Variants in RESF1 observed in about 807,000 individuals in gnomAD.
RESF1 encodes gonad expressed transcript.
A neutral mutation model predicts 134.7 loss-of-function variants in RESF1; 65 were observed. The observed-to-expected ratio is 0.48, with a 90% CI of 0.40 to 0.59. The LOEUF (loss-of-function observed/expected upper bound fraction) is 0.59, where lower values mean the gene tolerates loss of function less well. RESF1 is among the 20% of genes least tolerant of loss of function. The pLI, the probability that RESF1 is intolerant of heterozygous loss-of-function variation, is 0.00. For missense variants in RESF1, 2,274 were observed against 2,002.7 expected, an observed-to-expected ratio of 1.14 and a Z score of -2.59; for synonymous variants, 762 against 702.2, an observed-to-expected ratio of 1.09 and a Z score of -1.35.
chr12:31,973,960 C>T (rs1254809489), intron 3 of RESF1, among the ~76,000 whole-genome samples: 1 of 152,076 alleles, frequency 6.6e-6, no homozygotes, highest in African/African-American at 2.4e-5. Flanking sequence ...CAAGACTGCC[C>T]CTGACTTCGC....
Position 31,983,828 on chromosome 12 carries a change from A to G in RESF1, c.2873A>G (p.Lys958Arg). 6.2e-7 allele frequency: 1 copy of G among 1,613,210 alleles called. No individual in the cohort carries two copies. The highest frequency in any genetic ancestry group is 8.5e-7 in the Non-Finnish European group (1 of 1,179,988). The change falls in exon 4 of 6, where the codon AAA (lysine) becomes AGA (arginine). Residue 958 changes from lysine to arginine, a missense_variant. Coordinates refer to ENST00000312561, the MANE Select transcript of RESF1 (RefSeq NM_018169.4). ...AAAGACTTTGGTTTTCAAAAAGATA[A>G]ACCTGTACAGTGCACAGATGTTTCA... The part of the protein sequence containing the change: ...ENKDFGFQKD[K>R]PVQCTDVSHK...
At chr12:31,979,332 A>T (rs1032716335) in intron 3 of RESF1, among the ~76,000 whole-genome samples, 20 of 152,140 alleles carry the variant, frequency 1.3e-4, no homozygotes, top group Non-Finnish European at 2.4e-4. Flanking sequence ...TGTCTACCTG[A>T]TGTTACCATC....
In RESF1 at chr12:31,983,302, G is replaced by T. The variant is rs773331894; in HGVS notation, c.2347G>T (p.Val783Leu). The change falls in exon 4 of 6, where the codon GTG (valine) becomes TTG (leucine). Residue 783 changes from valine (V) to leucine (L), a missense_variant. Val to Leu is a conservative substitution (Grantham distance 32). Coordinates refer to ENST00000312561, the MANE Select transcript of RESF1 (RefSeq NM_018169.4). ...TLSVKGITPA[V>L]LPETVYPVIK... ...GTCTGTCAAAGGAATAACACCTGCA[G>T]TGTTACCTGAAACAGTGTATCCCGT... The T allele has an allele frequency of 1.2e-6, 2 of 1,614,054 alleles. No homozygotes were observed. The highest frequency in any genetic ancestry group is 2.2e-5 in the East Asian group (1 of 44,878).
At position 31,983,875 on chromosome 12, in the gene RESF1, A is replaced by G. The variant is rs1339130401; in HGVS notation, c.2920A>G (p.Lys974Glu). 6.2e-6 allele frequency: 10 copies of G among 1,613,762 alleles called. No individual in the cohort carries two copies. Among genetic ancestry groups the G allele is most frequent in the Middle Eastern group, 3.3e-4 (2 of 6,062 alleles). Reference protein sequence around the residue: ...DVSHKICDQSKSEPPLESSFN... With the variant: ...DVSHKICDQSESEPPLESSFN... The stretch of plus-strand genomic sequence containing the variant: ...TTCACATAAAATATGTGATCAGTCA[A>G]AGTCAGAGCCACCCTTAGAGTCATC... The change falls in exon 4 of 6, where the codon AAG (lysine) becomes GAG (glutamate). Residue 974 changes from lysine (K) to glutamate (E), a missense_variant. Physicochemically the swap from Lys to Glu is moderately conservative, Grantham distance 56. Coordinates refer to ENST00000312561, the MANE Select transcript of RESF1 (RefSeq NM_018169.4).
Position 31,981,156 on chromosome 12 carries a change from A to C in RESF1, c.201A>C (p.Gln67His). Residue 67 changes from glutamine (Q) to histidine (H), a missense_variant, in exon 4 of 6, where the codon CAA (glutamine) becomes CAC (histidine). Gln to His is a conservative substitution (Grantham distance 24). Transcript: ENST00000312561. ...NPISQPLLNI[Q>H]NYPQQISVSD... ...TTTCACAGCCACTGCTGAATATCCA[A>C]AATTATCCTCAACAAATTTCTGTTT... The C allele has an allele frequency of 1.2e-6, 2 of 1,614,086 alleles. No individual in the cohort carries two copies. The highest frequency in any genetic ancestry group is 1.7e-6 in the Non-Finnish European group (2 of 1,179,976).
intron 4 of RESF1, 125 bp from the exon 5 acceptor site, chr12:31,987,114 T>C: frequency 1.7e-6 from 1 of 600,732 alleles, no homozygotes; most frequent in Non-Finnish European, 3.0e-6. Context: ...TTTAGAGTTG[T>C]GTTACATGTG....
chr12:31,974,783 C>G (rs1939593729), intron 3 of RESF1, among the ~76,000 whole-genome samples: 1 of 152,098 alleles, frequency 6.6e-6, no homozygotes, highest in African/African-American at 2.4e-5. Context: ...ATCATTAATT[C>G]TCCTTAGAAG....
Position 31,981,390 on chromosome 12 carries a change from C to T in RESF1, c.435C>T (p.Asn145=), listed in dbSNP as rs373407167. 24 of 1,613,950 alleles carry T rather than the reference C, an allele frequency of 1.5e-5. No homozygotes were observed. Among genetic ancestry groups the T allele is most frequent in the East Asian group, 2.2e-5 (1 of 44,898 alleles). The change falls in exon 4 of 6, where the codon AAC becomes AAT. Residue 145 remains asparagine (N), a synonymous_variant. Transcript: ENST00000312561. The stretch of plus-strand genomic sequence containing the variant: ...CTCATCAAACTGATTTTGGAGCTAA[C>T]GTACCCAATATGCCGGCACTACAGA... The part of the protein sequence containing the change: ...TVSHQTDFGA[N]VPNMPALQSQ...
chr12:31,983,818 C>A lies in RESF1; in HGVS notation c.2863C>A (p.Gln955Lys). 6.2e-7 allele frequency: 1 copy of A among 1,611,836 alleles called. No individual in the cohort carries two copies. Among genetic ancestry groups the A allele is most frequent in the South Asian group, 1.1e-5 (1 of 90,778 alleles). ...NTTENKDFGF[Q>K]KDKPVQCTDV... Reference sequence around the variant, plus strand: ...CACTGAAAATAAAGACTTTGGTTTTCAAAAAGATAAACCTGTACAGTGCAC... The same window carrying A: ...CACTGAAAATAAAGACTTTGGTTTTAAAAAAGATAAACCTGTACAGTGCAC... The change falls in exon 4 of 6, where the codon CAA (glutamine) becomes AAA (lysine). Residue 955 changes from glutamine to lysine, a missense_variant. Physicochemically the swap from Gln to Lys is moderately conservative, Grantham distance 53 (BLOSUM62 1). Transcript: ENST00000312561.
At chr12:31,979,133 G>T (rs1262007830) in intron 3 of RESF1, among the ~76,000 whole-genome samples, 6 of 152,004 alleles carry the variant, frequency 3.9e-5, no homozygotes, top group Non-Finnish European at 7.4e-5. Flanking sequence ...TGTTAGCCAG[G>T]ATGGTCTCGA....
At chr12:31,976,313 G>C (rs1316732883) in intron 3 of RESF1, among the ~76,000 whole-genome samples, 1 of 152,156 alleles carries the variant, frequency 6.6e-6, no homozygotes, top group East Asian at 1.9e-4. Context: ...ATTAACAATA[G>C]CATGCTGTTC....
rs1939476268 is a variant in RESF1 at position 31,970,230 on chromosome 12, T to C, written c.-205T>C. On this transcript the variant is annotated 5_prime_UTR_variant, in exon 3 of 6. Transcript: ENST00000312561. ...ATTTCCTGATTCACAAATTAATTTT[T>C]GCAATTCACAACTTCAAGAATACTT... is the stretch of plus-strand genomic sequence containing the variant. 3 of 152,238 alleles carry C rather than the reference T, an allele frequency of 2.0e-5. No individual in the cohort carries two copies. The South Asian group carries it at 6.2e-4, about 31-fold the overall frequency. 9.4% of individuals were successfully genotyped at this position (152,238 alleles called of 1,614,324 possible). A position where few individuals can be genotyped will look rare whatever the true frequency, so the allele number is the denominator to read the frequency against.
Position 31,982,548 on chromosome 12 carries a change from T to C in RESF1, c.1593T>C (p.Ala531=), listed in dbSNP as rs1185113657. The C allele has an allele frequency of 3.7e-6, 6 of 1,613,746 alleles. No homozygotes were observed. In the Admixed American group the frequency reaches 6.7e-5, roughly 18 times the overall value. ...AAGTTCTCACTTCAAAGACATCAGC[T>C]GTTGAGATGACCCAGGCAGTATTGA... The part of the protein sequence containing the change: ...DVKVLTSKTS[A]VEMTQAVLNT... Residue 531 remains alanine (A), a synonymous_variant, in exon 4 of 6, where the codon GCT becomes GCC. Transcript: ENST00000312561.
intron 5 of RESF1, among the ~76,000 whole-genome samples, chr12:31,989,578 G>A (rs1940053550): frequency 6.6e-6 from 1 of 151,014 alleles, no homozygotes; most frequent in Admixed American, 6.6e-5. Context: ...GAGGCCGGGC[G>A]AGGTGGCTCA....
intron 3 of RESF1, among the ~76,000 whole-genome samples, chr12:31,971,062 G>T (rs1181441087): frequency 3.3e-5 from 5 of 152,164 alleles, no homozygotes; most frequent in African/African-American, 4.8e-5. Context: ...TTGATGGGTT[G>T]ATCCTTTTAT....
intron 5 of RESF1, among the ~76,000 whole-genome samples, chr12:31,990,280 GA>G (rs1227124219): frequency 6.6e-6 from 1 of 152,026 alleles, no homozygotes; most frequent in African/African-American, 2.4e-5. Flanking sequence ...CATGATGAAA[GA>G]AAAACACAAA....
chr12:31,981,706 A>G lies in RESF1; in HGVS notation c.751A>G (p.Asn251Asp). The change falls in exon 4 of 6, where the codon AAT becomes GAT. Residue 251 changes from asparagine to aspartate, a missense_variant. Asn to Asp is a conservative substitution (Grantham distance 23, BLOSUM62 1). Coordinates refer to ENST00000312561, the MANE Select transcript of RESF1 (RefSeq NM_018169.4). ...GCAAGTTAAAAATAGTCAGCTTCTAAATTCTGTATTAACTTTACCATCAAG... is the reference window on the plus strand; with the variant it reads ...GCAAGTTAAAAATAGTCAGCTTCTAGATTCTGTATTAACTTTACCATCAAG... ...SLQVKNSQLL[N>D]SVLTLPSRQT... is the part of the protein sequence containing the mutation. The G allele has an allele frequency of 6.2e-7, 1 of 1,613,676 alleles. No homozygotes were observed. The highest frequency in any genetic ancestry group is 8.5e-7 in the Non-Finnish European group (1 of 1,180,028).
At chr12:31,964,094 G>T (rs1939340487) in intron 2 of RESF1, among the ~76,000 whole-genome samples, 2 of 152,112 alleles carry the variant, frequency 1.3e-5, no homozygotes, top group South Asian at 4.1e-4. Context: ...TTGAGGAACT[G>T]CCAGGCTATT....
chr12:31,978,270 C>G (rs529143729), intron 3 of RESF1, among the ~76,000 whole-genome samples: 2 of 151,926 alleles, frequency 1.3e-5, no homozygotes, highest in African/African-American at 4.8e-5. Context: ...GCATTTTGAC[C>G]TTATTTTTGG....
Sources: gnomAD v4.1 joint callset for allele counts (sites outside exome capture counted in the v4.1 genomes callset) on GRCh38, gnomAD v4.1.1 for gene constraint, MANE v1.5 for transcripts, NCBI Gene and HGNC (gene_info 2026-07-23, HGNC 2026-07-21) for gene names.